Variants in NDUFA12 observed in about 807,000 individuals in gnomAD.
The protein encoded by NDUFA12 is NADH dehydrogenase [ubiquinone] 1 alpha subcomplex subunit 12.
NDUFA12 carries 17 observed loss-of-function variants against 20.3 expected under a neutral mutation model. The ratio of observed to expected loss-of-function variants is 0.84; its 90% CI spans 0.57 to 1.26. NDUFA12 has a LOEUF of 1.26. NDUFA12 is among the 50% of genes most tolerant of loss of function. The pLI, the probability that NDUFA12 is intolerant of heterozygous loss-of-function variation, is 0.00. For synonymous variants in NDUFA12, 72 were observed against 63.6 expected (o/e 1.13, Z -0.63); for missense variants, 191 against 183.7 (o/e 1.04, Z -0.23).
At chr12:94,985,083 T>C (rs1874379482) in intron 3 of NDUFA12, among the ~76,000 whole-genome samples, 1 of 150,784 alleles carries the variant, frequency 6.6e-6, no homozygotes, top group Non-Finnish European at 1.5e-5. Context: ...AGCATTTTGA[T>C]AGGCCAAGGT....
intron 3 of NDUFA12, among the ~76,000 whole-genome samples, chr12:94,982,172 C>A (rs1387393787): frequency 6.6e-6 from 1 of 152,188 alleles, no homozygotes; most frequent in African/African-American, 2.4e-5. Context: ...TCACAGCTTG[C>A]CAGCTGGGCA....
chr12:94,973,968 C>CTTTTTT (rs35862087), intron 3 of NDUFA12, among the ~76,000 whole-genome samples: 3 of 100,954 alleles, frequency 3.0e-5, no homozygotes, highest in African/African-American at 3.6e-5. Flanking sequence ...ACTCTTGGGT[C>CTTTTTT]TTTTTTTTTT....
chr12:94,972,276 A>G (rs1873914546), intron 3 of NDUFA12: 1 of 274,944 alleles, frequency 3.6e-6, no homozygotes, highest in Non-Finnish European at 7.5e-6. Flanking sequence ...CAGACATGCC[A>G]TGATTTTATC....
At position 94,986,114 on chromosome 12, in the gene NDUFA12, T is replaced by TAAATAAATAAGC. The variant is rs201942637; in HGVS notation, c.257+8055_257+8056insGCTTATTTATTT. Among the ~76,000 whole-genome samples the TAAATAAATAAGC allele has an allele frequency of 1.5e-4, 23 of 150,652 alleles. No individual in the cohort carries two copies. The East Asian group carries it at 2.1e-3, about 14-fold the overall frequency. On this transcript the variant is annotated intron_variant, in intron 3 of 3. Coordinates refer to ENST00000327772, the MANE Select transcript of NDUFA12 (RefSeq NM_018838.5). ...ATAAATAAATAAATAAATAAATAAATAAGCTAGTCTCAGCTACTCAGGAGG... is the reference window on the plus strand; with the variant it reads ...ATAAATAAATAAATAAATAAATAAATAAATAAATAAGCAAGCTAGTCTCAGCTACTCAGGAGG...
intron 2 of NDUFA12, among the ~76,000 whole-genome samples, chr12:94,994,634 AAAC>A (rs1244166767): frequency 1.3e-5 from 2 of 152,220 alleles, no homozygotes; most frequent in Admixed American, 6.5e-5. Context: ...ACTGGGGAAA[AAAC>A]ACATTTGTAG....
intron 3 of NDUFA12, among the ~76,000 whole-genome samples, chr12:94,986,322 G>A (rs1358275503): frequency 2.0e-5 from 3 of 152,004 alleles, no homozygotes; most frequent in African/African-American, 4.8e-5. Context: ...AGAAAGAGGA[G>A]ATGTTGATAA....
intron 3 of NDUFA12, among the ~76,000 whole-genome samples, chr12:94,988,103 TG>T (rs1319315238): frequency 6.6e-6 from 1 of 152,210 alleles, no homozygotes; most frequent in Non-Finnish European, 1.5e-5. Context: ...GTGTTCAACA[TG>T]AACTGCATCT....
chr12:95,000,722 T>C (rs1332616487), intron 2 of NDUFA12, among the ~76,000 whole-genome samples: 1 of 152,238 alleles, frequency 6.6e-6, no homozygotes, highest in African/African-American at 2.4e-5. Context: ...TTGAGTTTCC[T>C]TCCAAAATTT....
At chr12:94,985,673 G>C (rs1317240005) in intron 3 of NDUFA12, among the ~76,000 whole-genome samples, 2 of 143,522 alleles carry the variant, frequency 1.4e-5, no homozygotes, top group African/African-American at 2.6e-5. Flanking sequence ...AAAGTACCCA[G>C]ACATTTCTCA....
At chr12:95,003,301 G>C (rs1053859043) in intron 1 of NDUFA12, among the ~76,000 whole-genome samples, 1 of 152,118 alleles carries the variant, frequency 6.6e-6, no homozygotes, top group Non-Finnish European at 1.5e-5. Context: ...ACTTTACCAG[G>C]GTCACTGAGT....
chr12:94,983,435 T>C (rs1874306485), intron 3 of NDUFA12, among the ~76,000 whole-genome samples: 1 of 152,164 alleles, frequency 6.6e-6, no homozygotes, highest in South Asian at 2.1e-4. Flanking sequence ...AGGTGGCCTG[T>C]GCAGAGGTCT....
intron 3 of NDUFA12, among the ~76,000 whole-genome samples, chr12:94,973,511 G>A (rs1170742838): frequency 6.6e-6 from 1 of 152,134 alleles, no homozygotes; most frequent in African/African-American, 2.4e-5. Flanking sequence ...TGAGCTTACG[G>A]CACAGCTGAA....
chr12:94,974,070 C>G (rs1162142405), intron 3 of NDUFA12, among the ~76,000 whole-genome samples: 2 of 149,642 alleles, frequency 1.3e-5, no homozygotes, highest in Non-Finnish European at 3.0e-5. Context: ...CTCCTGGGCT[C>G]AAGTGATTCT....
chr12:94,994,472 A>T (rs944168424), intron 2 of NDUFA12: 2 of 526,332 alleles, frequency 3.8e-6, no homozygotes, highest in African/African-American at 3.8e-5. Flanking sequence ...AAGGACTGAG[A>T]TGATTCACTG....
In NDUFA12 at chr12:95,002,826, G is replaced by A. The variant is rs1298886771; in HGVS notation, c.87-5C>T. ...CCAACCTTCGCATCATTTGTCCTGT[G>A]AATACCCAAAAGAAAACAGACATTT... On this transcript the variant is annotated splice_region_variant and splice_polypyrimidine_tract_variant and intron_variant, in intron 1 of 3. Transcript: ENST00000327772. 1.9e-6 allele frequency: 3 copies of A among 1,608,938 alleles called. No individual in the cohort carries two copies. The highest frequency in any genetic ancestry group is 2.7e-5 in the African/African-American group (2 of 74,698).
chr12:95,002,755 G>A lies in NDUFA12; in HGVS notation c.153C>T (p.Asp51=). Residue 51 remains aspartate (D), a synonymous_variant, in exon 2 of 4, where the codon GAC becomes GAT. Transcript: ENST00000327772. ...TGCACTCACCAAAAAATTGCTTGTTGTCTTCATAGTATTTGTTTCCATATT... is the reference window on the plus strand; with the variant it reads ...TGCACTCACCAAAAAATTGCTTGTTATCTTCATAGTATTTGTTTCCATATT... ...EDKYGNKYYE[D]NKQFFGRHRW... 1 of 1,613,794 alleles carries A rather than the reference G, an allele frequency of 6.2e-7. No individual in the cohort carries two copies. The highest frequency in any genetic ancestry group is 8.5e-7 in the Non-Finnish European group (1 of 1,179,782).
intron 3 of NDUFA12, among the ~76,000 whole-genome samples, chr12:94,990,320 C>T (rs1219308020): frequency 6.6e-6 from 1 of 151,464 alleles, no homozygotes; most frequent in Non-Finnish European, 1.5e-5. Context: ...CTTAACGGAA[C>T]CACAGGTTGT....
At chr12:94,988,626 T>G (rs936232346) in intron 3 of NDUFA12, among the ~76,000 whole-genome samples, 3 of 152,060 alleles carry the variant, frequency 2.0e-5, no homozygotes, top group African/African-American at 7.3e-5. Context: ...GCAGCGTGGG[T>G]CAGCAAGACA....
intron 2 of NDUFA12, among the ~76,000 whole-genome samples, chr12:95,001,374 C>T (rs969003972): frequency 4.0e-5 from 6 of 151,864 alleles, no homozygotes; most frequent in African/African-American, 1.5e-4. Context: ...AATTCCAGCA[C>T]TTTGGGAGGC....
Sources: allele counts gnomAD v4.1 joint callset (sites outside exome capture counted in the v4.1 genomes callset), GRCh38; gene constraint gnomAD v4.1.1; transcripts MANE v1.5; gene names NCBI Gene and HGNC (gene_info 2026-07-23, HGNC 2026-07-21).